ARHGAP10: variants seen among roughly 807,000 people sequenced by gnomAD.
ARHGAP10 encodes the protein Rho GTPase activating protein 10, also known as rho GTPase-activating protein 10.
ARHGAP10 carries 87 observed loss-of-function variants against 108.6 expected under a neutral mutation model. That is an observed-to-expected ratio of 0.80 (90% CI 0.67 to 0.96). The LOEUF is 0.96. ARHGAP10 is among the 40% of genes least tolerant of loss of function. The pLI, the probability that ARHGAP10 is intolerant of heterozygous loss-of-function variation, is 0.00. For missense variants in ARHGAP10, 939 were observed against 954.5 expected (o/e 0.98, Z 0.21); for synonymous variants, 347 against 341.1 (o/e 1.02, Z -0.19).
intron 1 of ARHGAP10, among the ~76,000 whole-genome samples, chr4:147,819,179 A>G (rs896396069): frequency 1.3e-5 from 2 of 152,244 alleles, no homozygotes; most frequent in Admixed American, 1.3e-4. Flanking sequence ...AGAACCTACT[A>G]TTCTGACCAT....
chr4:147,778,302 A>C (rs867162583), intron 1 of ARHGAP10, among the ~76,000 whole-genome samples: 62 of 152,022 alleles, frequency 4.1e-4, no homozygotes, highest in Admixed American at 4.6e-4. Flanking sequence ...CACGTGGCCT[A>C]GTGTAATTGG....
At chr4:147,965,994 T>C (rs551087293) in intron 17 of ARHGAP10, among the ~76,000 whole-genome samples, 1 of 152,340 alleles carries the variant, frequency 6.6e-6, no homozygotes, top group South Asian at 2.1e-4. Flanking sequence ...TATCTTTGAA[T>C]TGAGACCTGA....
chr4:147,755,166 T>C (rs1729316823), intron 1 of ARHGAP10, among the ~76,000 whole-genome samples: 1 of 152,176 alleles, frequency 6.6e-6, no homozygotes, highest in African/African-American at 2.4e-5. Context: ...ACTTATTATT[T>C]AAGTAAAACC....
intron 1 of ARHGAP10, among the ~76,000 whole-genome samples, chr4:147,784,476 T>TTA (rs555520049): frequency 8.1e-6 from 1 of 123,470 alleles, no homozygotes; most frequent in Non-Finnish European, 1.6e-5. Flanking sequence ...TAATTTATAT[T>TTA]TATATATATA....
intron 1 of ARHGAP10, among the ~76,000 whole-genome samples, chr4:147,817,546 A>T (rs1005631542): frequency 1.3e-5 from 2 of 152,230 alleles, no homozygotes; most frequent in African/African-American, 2.4e-5. Flanking sequence ...GGCTCTCTCC[A>T]TGTGGTATCC....
At chr4:147,894,985 C>T (rs1449964602) in intron 10 of ARHGAP10, among the ~76,000 whole-genome samples, 1 of 152,106 alleles carries the variant, frequency 6.6e-6, no homozygotes, top group African/African-American at 2.4e-5. Flanking sequence ...ATTGTAGGTC[C>T]TTGGTGTTTC....
At chr4:147,800,373 G>T (rs1180817304) in intron 1 of ARHGAP10, among the ~76,000 whole-genome samples, 7 of 152,214 alleles carry the variant, frequency 4.6e-5, no homozygotes, top group African/African-American at 1.7e-4. Context: ...GACCAGAGAG[G>T]CTTCCTGGGC....
Position 147,880,389 on chromosome 4 carries a change from G to A in ARHGAP10, c.939+1051G>A, listed in dbSNP as rs550612045. ...ATTTATATAATAATGAAACAGACAT[G>A]GAAAATTAGTCATGGTGAGGAGAAG... is the stretch of plus-strand genomic sequence containing the variant. On this transcript the variant is annotated intron_variant, in intron 9 of 22. Coordinates refer to ENST00000336498, the MANE Select transcript of ARHGAP10 (RefSeq NM_024605.4). Among the ~76,000 whole-genome samples the A allele has an allele frequency of 1.5e-4, 23 of 152,294 alleles. 1 individual carries two copies. Among genetic ancestry groups the A allele is most frequent in the Non-Finnish European group, 2.1e-4 (14 of 68,026 alleles).
intron 19 of ARHGAP10, among the ~76,000 whole-genome samples, chr4:148,034,179 T>TA (rs1728272441): frequency 6.6e-6 from 1 of 152,232 alleles, no homozygotes; most frequent in Non-Finnish European, 1.5e-5. Context: ...GAGAGCCTGA[T>TA]ATCTGAAGCA....
At position 147,970,791 on chromosome 4, in the gene ARHGAP10, C is replaced by A. The variant is rs1739374402; in HGVS notation, c.1716+3952C>A. Among the ~76,000 whole-genome samples, 2 of 152,094 alleles carry A rather than the reference C, an allele frequency of 1.3e-5. 1 individual carries two copies. The highest frequency in any genetic ancestry group is 4.1e-4 in the South Asian group (2 of 4,830). On this transcript the variant is annotated intron_variant, in intron 18 of 22. Coordinates refer to ENST00000336498, the MANE Select transcript of ARHGAP10 (RefSeq NM_024605.4). Reference sequence around the variant, plus strand: ...TCCATATGTTTTAGCTTTATTTACACATAATAAAGATGTAGACTGAGCATG... The same window carrying A: ...TCCATATGTTTTAGCTTTATTTACAAATAATAAAGATGTAGACTGAGCATG...
At chr4:147,969,084 A>G (rs1415360574) in intron 18 of ARHGAP10, among the ~76,000 whole-genome samples, 2 of 152,188 alleles carry the variant, frequency 1.3e-5, no homozygotes, top group Non-Finnish European at 2.9e-5. Context: ...AATTCAATAC[A>G]TTTTGAGGGG....
At chr4:148,059,196 G>C (rs1729494183) in intron 20 of ARHGAP10, among the ~76,000 whole-genome samples, 1 of 152,244 alleles carries the variant, frequency 6.6e-6, no homozygotes, top group South Asian at 2.1e-4. Flanking sequence ...GCAGTGTAGT[G>C]TGTTAAGTTG....
chr4:148,018,283 T>A (rs1373831054), intron 18 of ARHGAP10, among the ~76,000 whole-genome samples: 1 of 152,114 alleles, frequency 6.6e-6, no homozygotes, highest in Non-Finnish European at 1.5e-5. Context: ...TTGGGAGAGC[T>A]GGGCAATCTT....
intron 13 of ARHGAP10, among the ~76,000 whole-genome samples, chr4:147,919,632 G>T (rs996267219): frequency 1.3e-5 from 2 of 152,026 alleles, no homozygotes; most frequent in Non-Finnish European, 2.9e-5. Flanking sequence ...GAGTGCAGTG[G>T]CATGATCTTG....
chr4:147,931,310 A>T (rs1737668877), intron 13 of ARHGAP10, among the ~76,000 whole-genome samples: 2 of 39,694 alleles, frequency 5.0e-5, no homozygotes, highest in South Asian at 3.2e-3. Context: ...ATTTATTAAG[A>T]GAGAAAAAAA....
chr4:148,002,666 A>G (rs1354263728), intron 18 of ARHGAP10, among the ~76,000 whole-genome samples: 1 of 152,108 alleles, frequency 6.6e-6, no homozygotes, highest in Non-Finnish European at 1.5e-5. Context: ...CAAGGAATTT[A>G]TCCATTTCTT....
At chr4:148,018,609 G>C (rs1054725792) in intron 18 of ARHGAP10, among the ~76,000 whole-genome samples, 1 of 151,220 alleles carries the variant, frequency 6.6e-6, no homozygotes. Context: ...TGGGGGCACT[G>C]GAAGACAAAG....
chr4:147,798,781 C>CTATA (rs201269477), intron 1 of ARHGAP10, among the ~76,000 whole-genome samples: 110 of 7,162 alleles, frequency 0.015, 2 homozygotes, highest in East Asian at 0.031. Context: ...CTCTCTCTCT[C>CTATA]TATATATATA....
intron 1 of ARHGAP10, among the ~76,000 whole-genome samples, chr4:147,740,218 T>G (rs958003977): frequency 2.0e-5 from 3 of 151,396 alleles, no homozygotes; most frequent in Admixed American, 2.0e-4. Flanking sequence ...CCACCAGGCC[T>G]GGCTACGTTT....
Sources: gnomAD v4.1 joint callset for allele counts (sites outside exome capture counted in the v4.1 genomes callset) on GRCh38, gnomAD v4.1.1 for gene constraint, MANE v1.5 for transcripts, NCBI Gene and HGNC (gene_info 2026-07-23, HGNC 2026-07-21) for gene names.